The following IQCK variants were observed in gnomAD, a reference collection of about 807,000 sequenced individuals.
IQCK encodes the protein IQ domain-containing protein K.
A neutral mutation model predicts 28.1 loss-of-function variants in IQCK; 29 were observed. That is an observed-to-expected ratio of 1.03 (90% confidence interval 0.77 to 1.41). The LOEUF (loss-of-function observed/expected upper bound fraction) is 1.41, where lower values mean the gene tolerates loss of function less well. IQCK is among the 40% of genes most tolerant of loss of function. The probability of loss-of-function intolerance (pLI) is 0.00; values close to 1 mark genes in which losing one functional copy is unlikely to be tolerated. For missense variants in IQCK, 359 were observed against 314.7 expected, an observed-to-expected ratio of 1.14 and a Z score of -1.07; for synonymous variants, 113 against 115.1, an observed-to-expected ratio of 0.98 and a Z score of 0.12.
At chr16:19,786,053 TCA>T (rs569661206) in intron 6 of IQCK, among the ~76,000 whole-genome samples, 3 of 152,232 alleles carry the variant, frequency 2.0e-5, no homozygotes, top group African/African-American at 7.2e-5. Flanking sequence ...TCAGTAAATA[TCA>T]GCCAGTGAGA....
intron 9 of IQCK, among the ~76,000 whole-genome samples, chr16:19,852,771 C>T (rs1162193436): frequency 4.6e-5 from 7 of 151,784 alleles, no homozygotes; most frequent in African/African-American, 1.2e-4. Flanking sequence ...TACAGGTGCC[C>T]GCCACCATGC....
At chr16:19,839,214 G>A (rs139024912) in intron 9 of IQCK, among the ~76,000 whole-genome samples, 2,955 of 150,896 alleles carry the variant, frequency 0.02, 97 homozygotes, top group African/African-American at 0.068. Context: ...AGGATGGAGT[G>A]CAATGGCATG....
chr16:19,746,250 A>C (rs1226008105), intron 4 of IQCK, among the ~76,000 whole-genome samples: 1 of 150,554 alleles, frequency 6.6e-6, no homozygotes, highest in Non-Finnish European at 1.5e-5. Context: ...TATTGGGTGC[A>C]TGAGATGTTT....
At chr16:19,827,556 T>C (rs2056165216), downstream of IQCK, among the ~76,000 whole-genome samples, 1 of 152,216 alleles carries the variant, frequency 6.6e-6, no homozygotes, top group South Asian at 2.1e-4. Flanking sequence ...ATGTGTCAAC[T>C]TGACCGGGCT....
chr16:19,748,587 C>T (rs1292614533), intron 4 of IQCK, among the ~76,000 whole-genome samples: 2 of 152,110 alleles, frequency 1.3e-5, no homozygotes, highest in East Asian at 1.9e-4. Flanking sequence ...ATCCTATTAG[C>T]GTTTCTCTTG....
intron 1 of IQCK, among the ~76,000 whole-genome samples, 184 bp from the exon 2 acceptor site, chr16:19,730,246 G>T (rs561723273): frequency 6.6e-6 from 1 of 152,114 alleles, no homozygotes; most frequent in Non-Finnish European, 1.5e-5. Context: ...GTGAGCCACC[G>T]CACCCGGCCT....
intron 4 of IQCK, among the ~76,000 whole-genome samples, chr16:19,758,130 A>G (rs889025733): frequency 1.3e-5 from 2 of 152,008 alleles, no homozygotes; most frequent in South Asian, 2.1e-4. Flanking sequence ...CATTACATAA[A>G]CCCTGGGTGC....
At chr16:19,767,793 C>T (rs1273032679) in intron 6 of IQCK, among the ~76,000 whole-genome samples, 3 of 152,098 alleles carry the variant, frequency 2.0e-5, no homozygotes, top group African/African-American at 7.2e-5. Context: ...CGGAGCACTT[C>T]CCCTACCCCC....
chr16:19,746,568 T>A (rs963923735), intron 4 of IQCK, among the ~76,000 whole-genome samples: 1 of 152,156 alleles, frequency 6.6e-6, no homozygotes, highest in African/African-American at 2.4e-5. Flanking sequence ...TGCAAGAAAA[T>A]CTTATTATAA....
At chr16:19,852,520 G>A (rs2056495877) in intron 9 of IQCK, among the ~76,000 whole-genome samples, 1 of 151,902 alleles carries the variant, frequency 6.6e-6, no homozygotes, top group African/African-American at 2.4e-5. Context: ...CTTTTCTTTG[G>A]AGCTCTTTTC....
chr16:19,786,741 GGAAA>G (rs2055567042), intron 6 of IQCK, among the ~76,000 whole-genome samples: 1 of 132,438 alleles, frequency 7.6e-6, no homozygotes, highest in Admixed American at 7.2e-5. Flanking sequence ...GGGAAAGAAC[GGAAA>G]GAAAGGGGAA....
intron 4 of IQCK, among the ~76,000 whole-genome samples, chr16:19,762,309 G>A (rs185152519): frequency 7.2e-5 from 11 of 152,324 alleles, no homozygotes; most frequent in East Asian, 3.9e-4. Context: ...GGGGTGTCTC[G>A]TGAAGGTGGC....
At position 19,822,067 on chromosome 16, in the gene IQCK, C is replaced by CA. The variant is rs35060834; in HGVS notation, c.691-4943dup. Among the ~76,000 whole-genome samples the CA allele has an allele frequency of 4.8e-3, 305 of 64,126 alleles. 2 individuals carry two copies. The highest frequency in any genetic ancestry group is 8.4e-3 in the East Asian group (17 of 2,032). 42.1% of individuals were successfully genotyped at this position (64,126 alleles called of 152,430 possible). A position where few individuals can be genotyped will look rare whatever the true frequency, so the allele number is the denominator to read the frequency against. On this transcript the variant is annotated intron_variant, in intron 7 of 7. Coordinates refer to ENST00000564186, the Ensembl canonical transcript of IQCK. ...TGGGCGACAGAATGAGACCCTGTCT[C>CA]AAAAAAAAAAAAAAAACAAAAAAAA...
Position 19,748,550 on chromosome 16 carries a change from G to A in IQCK, c.474+13100G>A, listed in dbSNP as rs540670168. Among the ~76,000 whole-genome samples, 7 of 152,248 alleles carry A rather than the reference G, an allele frequency of 4.6e-5. No individual in the cohort carries two copies. The South Asian group carries it at 1.4e-3, about 32-fold the overall frequency. ...CTTAAGAGTGTCTGGCATATAGACA[G>A]CACTCAATACACATTAAATGTTGTT... On this transcript the variant is annotated intron_variant, in intron 4 of 7. Transcript: ENST00000564186.
At chr16:19,805,449 A>G (rs1376950540) in intron 7 of IQCK, among the ~76,000 whole-genome samples, 2 of 152,232 alleles carry the variant, frequency 1.3e-5, no homozygotes, top group African/African-American at 4.8e-5. Context: ...AGTGCTTACA[A>G]TGTGGCAGGC....
rs950752011 is a variant in IQCK, at chr16:19,772,908, C to T, written c.605+8796C>T. The stretch of plus-strand genomic sequence containing the variant: ...GTCCCAGCTACTCAGGAGGCTGAGG[C>T]GGCAGTATCACTTGAGCCCCAGAGG... On this transcript the variant is annotated intron_variant, in intron 6 of 7. Transcript: ENST00000564186. Among the ~76,000 whole-genome samples, 19 of 152,132 alleles carry T rather than the reference C, an allele frequency of 1.2e-4. No individual in the cohort carries two copies. The East Asian group carries it at 1.7e-3, about 14-fold the overall frequency.
intron 4 of IQCK, among the ~76,000 whole-genome samples, chr16:19,752,204 C>T (rs114508773): frequency 0.014 from 2,203 of 152,266 alleles, 49 homozygotes; most frequent in African/African-American, 0.048. Flanking sequence ...AATTGGAACA[C>T]GAGCGATCAG....
intron 4 of IQCK, among the ~76,000 whole-genome samples, chr16:19,744,487 T>A (rs1350451994): frequency 6.6e-6 from 1 of 152,180 alleles, no homozygotes; most frequent in East Asian, 1.9e-4. Flanking sequence ...GCATATTTAA[T>A]AGGCAGGTAT....
chr16:19,769,165 A>G (rs1324789610), intron 6 of IQCK, among the ~76,000 whole-genome samples: 1 of 152,202 alleles, frequency 6.6e-6, no homozygotes, highest in Non-Finnish European at 1.5e-5. Context: ...ACAAGAAGGA[A>G]GCATGGTACC....
Sources: gnomAD v4.1 joint callset for allele counts (sites outside exome capture counted in the v4.1 genomes callset) on GRCh38, gnomAD v4.1.1 for gene constraint, MANE v1.5 for transcripts, NCBI Gene and HGNC (gene_info 2026-07-23, HGNC 2026-07-21) for gene names.